The following CNTNAP2 variants were observed in gnomAD, a reference collection of about 807,000 sequenced individuals.
CNTNAP2 encodes the protein contactin-associated protein-like 2.
A neutral mutation model predicts 155.2 loss-of-function variants in CNTNAP2; 98 were observed. The ratio of observed to expected loss-of-function variants is 0.63; its 90% CI spans 0.54 to 0.75. The LOEUF is 0.75. CNTNAP2 is among the 30% of genes least tolerant of loss of function. CNTNAP2 has a pLI of 0.00. For missense variants in CNTNAP2, 1,727 were observed against 1,688.1 expected (o/e 1.02, Z -0.40); for synonymous variants, 651 against 631.2 (o/e 1.03, Z -0.47).
chr7:146,752,055 T>C (rs751015120), intron 1 of CNTNAP2, among the ~76,000 whole-genome samples: 2 of 152,178 alleles, frequency 1.3e-5, no homozygotes, highest in Non-Finnish European at 2.9e-5. Flanking sequence ...TTCCAGGTCT[T>C]TGTTATTGTA....
At chr7:146,515,888 A>G (rs1358398388) in intron 1 of CNTNAP2, among the ~76,000 whole-genome samples, 1 of 152,086 alleles carries the variant, frequency 6.6e-6, no homozygotes, top group East Asian at 1.9e-4. Flanking sequence ...TTATTGACAT[A>G]TCATTAATCA....
chr7:146,763,049 G>T (rs192996342), intron 1 of CNTNAP2, among the ~76,000 whole-genome samples: 2 of 152,006 alleles, frequency 1.3e-5, no homozygotes, highest in African/African-American at 4.8e-5. Flanking sequence ...ATTCAGATGC[G>T]ATTTGGGTTG....
intron 8 of CNTNAP2, among the ~76,000 whole-genome samples, chr7:147,172,258 T>G (rs919442518): frequency 6.6e-6 from 1 of 152,180 alleles, no homozygotes; most frequent in African/African-American, 2.4e-5. Context: ...TATGTATCTG[T>G]GTTCCATGAA....
At chr7:148,303,599 C>T (rs1409362035) in intron 21 of CNTNAP2, among the ~76,000 whole-genome samples, 1 of 152,178 alleles carries the variant, frequency 6.6e-6, no homozygotes, top group Non-Finnish European at 1.5e-5. Context: ...CCTTCTTTTT[C>T]GCATCCCAGA....
intron 9 of CNTNAP2, among the ~76,000 whole-genome samples, chr7:147,385,283 C>T (rs767461160): frequency 4.6e-5 from 7 of 152,252 alleles, no homozygotes; most frequent in Middle Eastern, 3.4e-3. Flanking sequence ...CCTTCCAAAT[C>T]TCATGACATC....
intron 17 of CNTNAP2, among the ~76,000 whole-genome samples, chr7:148,158,619 A>C (rs547049705): frequency 5.3e-5 from 8 of 152,332 alleles, no homozygotes; most frequent in African/African-American, 1.9e-4. Flanking sequence ...TAATCTGTTA[A>C]CTATATTATA....
At chr7:147,063,202 C>G (rs1799716208) in intron 4 of CNTNAP2, among the ~76,000 whole-genome samples, 1 of 152,158 alleles carries the variant, frequency 6.6e-6, no homozygotes, top group Non-Finnish European at 1.5e-5. Context: ...CACTATATTA[C>G]ATTTAAGGTA....
At chr7:146,234,818 G>T (rs1406363966) in intron 1 of CNTNAP2, among the ~76,000 whole-genome samples, 1 of 152,172 alleles carries the variant, frequency 6.6e-6, no homozygotes, top group Non-Finnish European at 1.5e-5. Context: ...ACTTTACCAG[G>T]TAGCACTGCC....
Position 147,680,295 on chromosome 7 carries a change from C to T in CNTNAP2, c.2098+40989C>T, listed in dbSNP as rs182342186. On this transcript the variant is annotated intron_variant, in intron 13 of 23. Coordinates refer to ENST00000361727, the MANE Select transcript of CNTNAP2 (RefSeq NM_014141.6). ...CCACTATAATTCCTTTAAAGTATAG[C>T]GACTACTTTTCACCTTTGTAATAAC... Among the ~76,000 whole-genome samples the T allele has an allele frequency of 1.4e-4, 22 of 151,924 alleles. No individual in the cohort carries two copies. The East Asian group carries it at 3.9e-3, about 27-fold the overall frequency.
chr7:147,739,176 A>G (rs1375618304), intron 13 of CNTNAP2, among the ~76,000 whole-genome samples: 1 of 146,922 alleles, frequency 6.8e-6, no homozygotes, highest in Non-Finnish European at 1.5e-5. Flanking sequence ...GGAGAATACT[A>G]TTTATCAACT....
rs557042527 is a variant in CNTNAP2 at position 147,621,921 on chromosome 7, A to G, written c.1898-17185A>G. Among the ~76,000 whole-genome samples the G allele has an allele frequency of 2.6e-5, 4 of 152,136 alleles. No homozygotes were observed. The South Asian group carries it at 8.3e-4, about 31-fold the overall frequency. ...CTATAAAGAGACACATAGACTGAAA[A>G]ATAAAGGGATGGAAAAAGATATATT... On this transcript the variant is annotated intron_variant, in intron 12 of 23. Coordinates refer to ENST00000361727, the MANE Select transcript of CNTNAP2 (RefSeq NM_014141.6).
chr7:147,736,056 CTGTCATTATG>C (rs1046930084), intron 13 of CNTNAP2, among the ~76,000 whole-genome samples: 1 of 145,212 alleles, frequency 6.9e-6, no homozygotes, highest in African/African-American at 2.5e-5. Context: ...GAACTTGATC[CTGTCATTATG>C]ATATTAGCTG....
intron 13 of CNTNAP2, among the ~76,000 whole-genome samples, chr7:147,747,625 G>T (rs555180990): frequency 1.3e-5 from 2 of 152,244 alleles, no homozygotes; most frequent in African/African-American, 4.8e-5. Context: ...CAGTGAGATT[G>T]CTGGATCCTA....
chr7:148,132,297 C>A (rs1215052436), intron 16 of CNTNAP2, among the ~76,000 whole-genome samples: 1 of 151,982 alleles, frequency 6.6e-6, no homozygotes, highest in East Asian at 1.9e-4. Context: ...AAATCTTATA[C>A]GGGAGTGTGG....
At chr7:147,127,494 C>G (rs1056703592) in intron 6 of CNTNAP2, among the ~76,000 whole-genome samples, 1 of 151,974 alleles carries the variant, frequency 6.6e-6, no homozygotes, top group African/African-American at 2.4e-5. Flanking sequence ...GTTCATGGAC[C>G]TTCCAGAACA....
chr7:148,285,487 C>G (rs894933588), intron 21 of CNTNAP2, among the ~76,000 whole-genome samples: 2 of 152,242 alleles, frequency 1.3e-5, no homozygotes, highest in African/African-American at 2.4e-5. Context: ...ATTTAACAGA[C>G]TGTCTTTCAG....
chr7:148,115,868 G>T (rs747082961), intron 15 of CNTNAP2, among the ~76,000 whole-genome samples: 1 of 152,134 alleles, frequency 6.6e-6, no homozygotes, highest in Non-Finnish European at 1.5e-5. Flanking sequence ...GCCGAGCATG[G>T]TGGCTCATGC....
intron 3 of CNTNAP2, among the ~76,000 whole-genome samples, chr7:146,971,044 C>A (rs962805830): frequency 3.3e-5 from 5 of 152,086 alleles, no homozygotes; most frequent in Admixed American, 2.6e-4. Flanking sequence ...GGGAACATCA[C>A]ACTCTGCAGA....
At chr7:147,558,766 G>A (rs1800001765) in intron 11 of CNTNAP2, among the ~76,000 whole-genome samples, 1 of 147,032 alleles carries the variant, frequency 6.8e-6, no homozygotes, top group African/African-American at 2.5e-5. Flanking sequence ...TCTTTGAGAT[G>A]GAGTCTTACT....
Sources: gnomAD v4.1 joint callset for allele counts (sites outside exome capture counted in the v4.1 genomes callset) on GRCh38, gnomAD v4.1.1 for gene constraint, MANE v1.5 for transcripts, NCBI Gene and HGNC (gene_info 2026-07-23, HGNC 2026-07-21) for gene names.